MACROD2: variants seen among roughly 807,000 people sequenced by gnomAD.
MACROD2 encodes the protein ADP-ribose glycohydrolase MACROD2.
Under a neutral mutation model 70.4 loss-of-function variants are expected in MACROD2, and 36 were observed. The ratio of observed to expected loss-of-function variants is 0.51; its 90% confidence interval spans 0.39 to 0.68. The LOEUF is 0.68. Ranked by LOEUF, MACROD2 falls within the 30% of genes least tolerant of loss-of-function variation. MACROD2 has a pLI of 0.00. For missense variants in MACROD2, 496 were observed against 538.4 expected, an observed-to-expected ratio of 0.92 and a Z score of 0.78; for synonymous variants, 172 against 178.8, an observed-to-expected ratio of 0.96 and a Z score of 0.30.
chr20:15,349,527 T>G (rs1042085975), intron 6 of MACROD2, among the ~76,000 whole-genome samples: 5 of 151,934 alleles, frequency 3.3e-5, no homozygotes, highest in African/African-American at 9.7e-5. Flanking sequence ...GAGGCCAAGG[T>G]GGGTGGATCA....
intron 8 of MACROD2, among the ~76,000 whole-genome samples, chr20:15,829,474 A>C (rs1255175701): frequency 6.6e-6 from 1 of 152,104 alleles, no homozygotes; most frequent in East Asian, 1.9e-4. Flanking sequence ...GATACTATAA[A>C]CTACGTGTAA....
chr20:14,847,614 A>G (rs1327193173), intron 5 of MACROD2, among the ~76,000 whole-genome samples: 1 of 150,224 alleles, frequency 6.7e-6, no homozygotes, highest in East Asian at 2.0e-4. Context: ...AATGATTAGC[A>G]TTTCTTGGTA....
At chr20:14,371,590 T>C (rs1208004328) in intron 3 of MACROD2, among the ~76,000 whole-genome samples, 1 of 152,192 alleles carries the variant, frequency 6.6e-6, no homozygotes. Flanking sequence ...TTTTAAAATA[T>C]AGATTATTTT....
chr20:14,115,997 G>A (rs1601240765), intron 3 of MACROD2, among the ~76,000 whole-genome samples: 1 of 152,114 alleles, frequency 6.6e-6, no homozygotes, highest in Non-Finnish European at 1.5e-5. Context: ...TGGAGACACC[G>A]ACCAGATTGC....
In MACROD2 at chr20:15,902,453, A is replaced by T. The variant is rs111991113; in HGVS notation, c.775+16642A>T. ...ACAATGTTTAATAAATTATTTATCTATTGCTGCCTGAAAATTTATCCTAAA... is the reference window on the plus strand; with the variant it reads ...ACAATGTTTAATAAATTATTTATCTTTTGCTGCCTGAAAATTTATCCTAAA... On this transcript the variant is annotated intron_variant, in intron 10 of 17. Transcript: ENST00000684519. Among the ~76,000 whole-genome samples the T allele has an allele frequency of 4.7e-3, 720 of 152,246 alleles. 2 individuals carry two copies. Among genetic ancestry groups the T allele is most frequent in the Middle Eastern group, 0.01 (3 of 294 alleles).
chr20:15,288,996 G>A (rs1400012344), intron 6 of MACROD2, among the ~76,000 whole-genome samples: 4 of 151,944 alleles, frequency 2.6e-5, no homozygotes, highest in African/African-American at 9.7e-5. Flanking sequence ...CCACATCAAG[G>A]GTCTGGTTGG....
intron 4 of MACROD2, among the ~76,000 whole-genome samples, chr20:14,680,214 C>A (rs770733165): frequency 6.6e-6 from 1 of 152,150 alleles, no homozygotes; most frequent in Non-Finnish European, 1.5e-5. Flanking sequence ...CCTCTTGAAT[C>A]CTTGGTTGAG....
chr20:15,201,863 AGT>A (rs1220961146), intron 5 of MACROD2, among the ~76,000 whole-genome samples: 1 of 152,222 alleles, frequency 6.6e-6, no homozygotes, highest in Non-Finnish European at 1.5e-5. Flanking sequence ...GGGTCTGAAC[AGT>A]GTTAATGATG....
At chr20:14,449,521 A>G (rs2084221265) in intron 3 of MACROD2, among the ~76,000 whole-genome samples, 1 of 152,158 alleles carries the variant, frequency 6.6e-6, no homozygotes, top group South Asian at 2.1e-4. Context: ...AAATACATGT[A>G]TAACTAATAC....
intron 5 of MACROD2, among the ~76,000 whole-genome samples, chr20:14,940,148 C>CAAAAAAAAAAAAAAAAAAAAAAAAA (rs57697517): frequency 1.8e-5 from 1 of 55,106 alleles, no homozygotes; most frequent in Non-Finnish European, 4.0e-5. Flanking sequence ...CTCATCTCTG[C>CAAAAAAAAAAAAAAAAAAAAAAAAA]AAAAAAAAAA....
intron 8 of MACROD2, chr20:15,619,524 T>C: frequency 2.6e-6 from 1 of 381,340 alleles, no homozygotes; most frequent in Non-Finnish European, 4.7e-6. Context: ...TGAGTGAGGA[T>C]TTTCTGGGCA....
chr20:15,234,323 C>T (rs905636090), intron 6 of MACROD2, among the ~76,000 whole-genome samples: 5 of 151,468 alleles, frequency 3.3e-5, no homozygotes, highest in Non-Finnish European at 7.4e-5. Flanking sequence ...TGAGCCACCG[C>T]GCCCGGCCTA....
chr20:15,384,527 G>C (rs1035472352), intron 6 of MACROD2, among the ~76,000 whole-genome samples: 2 of 152,098 alleles, frequency 1.3e-5, no homozygotes, highest in South Asian at 2.1e-4. Flanking sequence ...AAGTGTGAAG[G>C]CTTCTTGAGG....
intron 8 of MACROD2, among the ~76,000 whole-genome samples, chr20:15,599,107 G>T (rs1202214130): frequency 6.6e-6 from 1 of 152,080 alleles, no homozygotes; most frequent in Admixed American, 6.6e-5. Flanking sequence ...GAGGCCGGCC[G>T]TGGTGGCTCA....
intron 5 of MACROD2, among the ~76,000 whole-genome samples, chr20:15,113,566 C>A (rs761064404): frequency 9.2e-5 from 14 of 152,088 alleles, no homozygotes; most frequent in Non-Finnish European, 1.5e-4. Flanking sequence ...TTGTTTTCCA[C>A]CAGGCACACC....
chr20:14,596,630 CT>C, intron 4 of MACROD2, among the ~76,000 whole-genome samples: 1 of 151,956 alleles, frequency 6.6e-6, no homozygotes, highest in Non-Finnish European at 1.5e-5. Context: ...ATTATGTTTA[CT>C]TATTCACTTT....
intron 5 of MACROD2, among the ~76,000 whole-genome samples, chr20:15,088,024 A>G (rs1165749962): frequency 6.6e-6 from 1 of 151,968 alleles, no homozygotes; most frequent in Admixed American, 6.6e-5. Flanking sequence ...CATGCCAGGT[A>G]ACATGTAGGG....
intron 8 of MACROD2, among the ~76,000 whole-genome samples, chr20:15,614,539 A>G (rs756724136): frequency 6.6e-6 from 1 of 152,146 alleles, no homozygotes; most frequent in Non-Finnish European, 1.5e-5. Context: ...TCTGATTGTC[A>G]ACTCAGGTGA....
chr20:14,669,962 T>C (rs191860647), intron 4 of MACROD2, among the ~76,000 whole-genome samples: 2 of 152,142 alleles, frequency 1.3e-5, no homozygotes, highest in African/African-American at 2.4e-5. Flanking sequence ...AATATAGTGT[T>C]AGGACCTGCG....
Sources: allele counts gnomAD v4.1 joint callset (sites outside exome capture counted in the v4.1 genomes callset), GRCh38; gene constraint gnomAD v4.1.1; transcripts MANE v1.5; gene names NCBI Gene and HGNC (gene_info 2026-07-23, HGNC 2026-07-21).